The following STPG2 variants were observed in gnomAD, a reference collection of about 807,000 sequenced individuals.
STPG2 encodes the protein sperm tail PG-rich repeat containing 2.
Under a neutral mutation model 54.2 loss-of-function variants are expected in STPG2, and 56 were observed. The observed-to-expected ratio is 1.03, with a 90% CI of 0.83 to 1.29. The LOEUF is 1.29. Ranked by LOEUF, STPG2 falls within the 50% of genes most tolerant of loss-of-function variation. The probability of loss-of-function intolerance (pLI) is 0.00; values close to 1 mark genes in which losing one functional copy is unlikely to be tolerated. For missense variants in STPG2, 596 were observed against 544.9 expected (o/e 1.09, Z -0.93); for synonymous variants, 200 against 181.8 (o/e 1.10, Z -0.81).
At chr4:97,957,788 A>G (rs1375833465) in intron 7 of STPG2, among the ~76,000 whole-genome samples, 3 of 152,184 alleles carry the variant, frequency 2.0e-5, no homozygotes, top group Non-Finnish European at 2.9e-5. Flanking sequence ...CAAAACAACT[A>G]TAAGCCAAAA....
chr4:98,089,563 A>G (rs1458027617), intron 5 of STPG2, among the ~76,000 whole-genome samples: 4 of 151,772 alleles, frequency 2.6e-5, no homozygotes, highest in Non-Finnish European at 5.9e-5. Context: ...CTTTGGGTAG[A>G]TACCCAGTAG....
rs575628564 is a variant in STPG2, at chr4:97,678,401, A to C, written c.1320+34298T>G. 1.8e-3 allele frequency among the ~76,000 whole-genome samples: 278 copies of C among 152,222 alleles called. 2 individuals are homozygous for C. The highest frequency in any genetic ancestry group is 6.0e-3 in the African/African-American group (251 of 41,570). On this transcript the variant is annotated intron_variant, in intron 10 of 10. Transcript: ENST00000295268. ...TTCATATGTAAGTACAATCAAATTC[A>C]AATTATTTATTAATAGTTTAGGGTA...
intron 5 of STPG2, among the ~76,000 whole-genome samples, chr4:98,063,653 A>G (rs1737733585): frequency 6.9e-6 from 1 of 145,250 alleles, no homozygotes; most frequent in African/African-American, 2.6e-5. Flanking sequence ...TCTAAAATTA[A>G]GCAATTGGTA....
At chr4:97,459,440 GTTTTTTTTT>G (rs564314656) in intron 4 of STPG2, among the ~76,000 whole-genome samples, 1 of 122,490 alleles carries the variant, frequency 8.2e-6, no homozygotes, top group African/African-American at 3.1e-5. Context: ...GTTTTTTTTT[GTTTTTTTTT>G]TTTTTTTTGA....
intron 5 of STPG2, among the ~76,000 whole-genome samples, chr4:98,085,372 G>T (rs574701454): frequency 6.6e-6 from 1 of 152,026 alleles, no homozygotes; most frequent in East Asian, 1.9e-4. Context: ...GTATAAATCT[G>T]CCACCTTTCC....
At chr4:97,654,751 C>T (rs1049266693) in intron 10 of STPG2, among the ~76,000 whole-genome samples, 1 of 151,560 alleles carries the variant, frequency 6.6e-6, no homozygotes, top group Non-Finnish European at 1.5e-5. Context: ...CATTAGACAA[C>T]AACAGAAAAA....
intron 8 of STPG2, among the ~76,000 whole-genome samples, chr4:97,859,466 C>CTTT (rs70953089): frequency 1.5e-5 from 2 of 129,114 alleles, no homozygotes; most frequent in East Asian, 4.6e-4. Flanking sequence ...CTTTTCTTTT[C>CTTT]TTTTTTTTTT....
intron 9 of STPG2, among the ~76,000 whole-genome samples, chr4:97,748,820 C>T (rs975994460): frequency 2.0e-5 from 3 of 151,362 alleles, no homozygotes; most frequent in East Asian, 1.9e-4. Flanking sequence ...ACTTCAAAAC[C>T]GTGTTAAGTT....
chr4:97,943,029 C>A (rs1197542680), intron 8 of STPG2, among the ~76,000 whole-genome samples: 2 of 152,124 alleles, frequency 1.3e-5, no homozygotes, highest in Non-Finnish European at 2.9e-5. Flanking sequence ...CACAGGTCTG[C>A]AGGCTGGAAA....
At chr4:98,087,753 G>T (rs1314347658) in intron 5 of STPG2, among the ~76,000 whole-genome samples, 1 of 151,894 alleles carries the variant, frequency 6.6e-6, no homozygotes, top group African/African-American at 2.4e-5. Context: ...GTAGAGACGG[G>T]GTTTCACCGT....
intron 4 of STPG2, among the ~76,000 whole-genome samples, chr4:97,543,253 C>A (rs1731761441): frequency 1.3e-5 from 2 of 151,504 alleles, no homozygotes; most frequent in African/African-American, 4.8e-5. Context: ...AAAGAAAAAG[C>A]TCCCTATGGC....
intron 5 of STPG2, among the ~76,000 whole-genome samples, chr4:98,063,179 G>A (rs570227761): frequency 3.9e-5 from 6 of 152,068 alleles, no homozygotes; most frequent in Non-Finnish European, 8.8e-5. Context: ...GGCTGGGCAC[G>A]GTGGCTCACG....
At chr4:97,634,646 G>C (rs1486082206) in intron 10 of STPG2, among the ~76,000 whole-genome samples, 2 of 151,802 alleles carry the variant, frequency 1.3e-5, no homozygotes, top group Non-Finnish European at 2.9e-5. Context: ...AGTGCTTAAA[G>C]GAGCTGATGG....
chr4:97,837,745 A>G (rs1728675810), intron 9 of STPG2, among the ~76,000 whole-genome samples: 2 of 151,632 alleles, frequency 1.3e-5, no homozygotes, highest in Non-Finnish European at 3.0e-5. Flanking sequence ...AACTTTACTT[A>G]TAAATAAAAC....
intron 5 of STPG2, among the ~76,000 whole-genome samples, chr4:98,105,585 C>T (rs1364043086): frequency 6.6e-6 from 1 of 151,960 alleles, no homozygotes; most frequent in Non-Finnish European, 1.5e-5. Flanking sequence ...GGCTTGGATC[C>T]AGTTAGAGGC....
chr4:97,996,097 A>T (rs986739620), intron 5 of STPG2, among the ~76,000 whole-genome samples: 1 of 152,222 alleles, frequency 6.6e-6, no homozygotes, highest in South Asian at 2.1e-4. Flanking sequence ...GCTATTTTAA[A>T]ATTTATATTG....
Position 97,559,529 on chromosome 4 carries a change from T to C in STPG2, c.1321-412A>G, listed in dbSNP as rs926457107. On this transcript the variant is annotated intron_variant, in intron 10 of 10. Coordinates refer to ENST00000295268, the MANE Select transcript of STPG2 (RefSeq NM_174952.3). ...GAAACTGTTTCAAGTCAAACCTTTC[T>C]ACAATTCTTTTTGTTCTTTATTTTT... Among the ~76,000 whole-genome samples, 8 of 152,222 alleles carry C rather than the reference T, an allele frequency of 5.3e-5. No individual in the cohort carries two copies. The East Asian group carries it at 1.3e-3, about 26-fold the overall frequency.
intron 9 of STPG2, among the ~76,000 whole-genome samples, chr4:97,756,188 T>G (rs761693414): frequency 6.6e-6 from 1 of 152,218 alleles, no homozygotes; most frequent in Non-Finnish European, 1.5e-5. Context: ...AATGACATCT[T>G]CTACCTTGGT....
chr4:97,512,265 T>C (rs115688500), intron 4 of STPG2, among the ~76,000 whole-genome samples: 102 of 152,078 alleles, frequency 6.7e-4, no homozygotes, highest in African/African-American at 2.2e-3. Flanking sequence ...AGATGACACA[T>C]AGTAAAATTA....
Sources: gnomAD v4.1 joint callset for allele counts (sites outside exome capture counted in the v4.1 genomes callset) on GRCh38, gnomAD v4.1.1 for gene constraint, MANE v1.5 for transcripts, NCBI Gene and HGNC (gene_info 2026-07-23, HGNC 2026-07-21) for gene names.